Variants in SLC35F3 observed in about 807,000 individuals in gnomAD.
SLC35F3 encodes putative thiamine transporter SLC35F3.
A neutral mutation model predicts 49.9 loss-of-function variants in SLC35F3; 25 were observed. That is an observed-to-expected ratio of 0.50 (90% confidence interval 0.37 to 0.70). The LOEUF (loss-of-function observed/expected upper bound fraction) is 0.70. Ranked by LOEUF, SLC35F3 falls within the 30% of genes least tolerant of loss-of-function variation. SLC35F3 has a pLI of 0.00. For synonymous variants in SLC35F3, 275 were observed against 265.4 expected (o/e 1.04, Z -0.35); for missense variants, 525 against 639.8 (o/e 0.82, Z 1.94).
chr1:234,111,170 T>C (rs530950110), intron 2 of SLC35F3, among the ~76,000 whole-genome samples: 1 of 152,228 alleles, frequency 6.6e-6, no homozygotes, highest in Non-Finnish European at 1.5e-5. Context: ...AATTATTTAA[T>C]TAAAAAAATA....
At chr1:234,284,378 A>G (rs937956296) in intron 3 of SLC35F3, among the ~76,000 whole-genome samples, 35 of 152,214 alleles carry the variant, frequency 2.3e-4, no homozygotes, top group Non-Finnish European at 5.1e-4. Context: ...ACTGTTTGCC[A>G]CATAGCACGT....
chr1:234,214,877 A>C lies in SLC35F3; in HGVS notation c.284-16540A>C, dbSNP rs1572098051. 6.0e-6 allele frequency: 2 copies of C among 331,502 alleles called. No individual in the cohort carries two copies. The highest frequency in any genetic ancestry group is 2.2e-5 in the African/African-American group (1 of 46,374). 20.5% of individuals were successfully genotyped at this position (331,502 alleles called of 1,614,324 possible). ...GCAGCTGCACCCTCACCTCCATCCC[A>C]GTTTGTCCTGGGGCTCTTGTCTGTT... On this transcript the variant is annotated intron_variant, in intron 2 of 7. Coordinates refer to ENST00000366618, the MANE Select transcript of SLC35F3 (RefSeq NM_173508.4). This position sits in a 1 kb window ranked among gnomAD's most constrained non-coding sequence, Gnocchi z 8.0.
At chr1:233,949,161 C>T (rs1420798649) in intron 2 of SLC35F3, among the ~76,000 whole-genome samples, 1 of 152,124 alleles carries the variant, frequency 6.6e-6, no homozygotes, top group Non-Finnish European at 1.5e-5. Context: ...ATCTCACATT[C>T]AGTCCTTGGA....
intron 2 of SLC35F3, among the ~76,000 whole-genome samples, chr1:233,986,235 A>C (rs1017143692): frequency 6.6e-6 from 1 of 152,128 alleles, no homozygotes; most frequent in African/African-American, 2.4e-5. Flanking sequence ...TTATAAAATA[A>C]TACATGTATC....
At position 234,320,348 on chromosome 1, in the gene SLC35F3, TCA is replaced by T. The variant is rs1205076251; in HGVS notation, c.1237+164_1237+165del. Among the ~76,000 whole-genome samples the T allele has an allele frequency of 6.6e-6, 1 of 151,644 alleles. No homozygotes were observed. The highest frequency in any genetic ancestry group is 1.5e-5 in the Non-Finnish European group (1 of 67,922). On this transcript the variant is annotated intron_variant, in intron 7 of 7. Coordinates refer to ENST00000366618, the MANE Select transcript of SLC35F3 (RefSeq NM_173508.4). This position sits in a 1 kb window ranked among gnomAD's most constrained non-coding sequence, Gnocchi z 4.8. ...CACACACATACTCTCACATACATACTCACATATATTATTGCTCTGCCTGCTAT... is the reference window on the plus strand; with the variant it reads ...CACACACATACTCTCACATACATACTCATATATTATTGCTCTGCCTGCTAT...
chr1:234,179,054 C>T (rs1410858893), intron 2 of SLC35F3, among the ~76,000 whole-genome samples: 4 of 152,116 alleles, frequency 2.6e-5, no homozygotes, highest in South Asian at 2.1e-4. Flanking sequence ...CAGTGTGATA[C>T]AGGCAGCCCC....
At chr1:234,202,988 C>G (rs1248301735) in intron 2 of SLC35F3, among the ~76,000 whole-genome samples, 2 of 152,208 alleles carry the variant, frequency 1.3e-5, no homozygotes, top group African/African-American at 2.4e-5. Context: ...GCTCAGAGCT[C>G]TAGCTATGGA....
intron 2 of SLC35F3, among the ~76,000 whole-genome samples, chr1:233,970,068 ATGCAAGGGTCC>A (rs1333828715): frequency 2.4e-4 from 36 of 152,306 alleles, no homozygotes; most frequent in Admixed American, 1.2e-3. Flanking sequence ...CCTCTCAGCA[ATGCAAGGGTCC>A]TGTTTGAAAA....
Position 234,147,230 on chromosome 1 carries a change from C to CTT in SLC35F3, c.284-84172_284-84171dup, listed in dbSNP as rs201359916. Among the ~76,000 whole-genome samples the CTT allele has an allele frequency of 2.4e-3, 303 of 125,092 alleles. 4 individuals are homozygous for CTT. The highest frequency in any genetic ancestry group is 4.2e-3 in the Non-Finnish European group (247 of 58,792). 82.1% of individuals were successfully genotyped at this position (125,092 alleles called of 152,430 possible). ...TTACATAGTTTGCCCTTTCTATTTT[C>CTT]TTTTTTTTTTTTTTTTGTCCTGTTG... On this transcript the variant is annotated intron_variant, in intron 2 of 7. Transcript: ENST00000366618.
At chr1:234,113,540 CAT>C (rs1665439835) in intron 2 of SLC35F3, among the ~76,000 whole-genome samples, 1 of 152,116 alleles carries the variant, frequency 6.6e-6, no homozygotes, top group Non-Finnish European at 1.5e-5. Flanking sequence ...TTCTTGTGTT[CAT>C]AGACTTTAGT....
intron 2 of SLC35F3, among the ~76,000 whole-genome samples, chr1:234,009,985 A>C (rs1443778351): frequency 6.6e-6 from 1 of 152,236 alleles, no homozygotes; most frequent in East Asian, 1.9e-4. Flanking sequence ...GAGTTCTTCA[A>C]CTTGAAATAA....
chr1:233,993,304 G>T (rs919500476), intron 2 of SLC35F3, among the ~76,000 whole-genome samples: 1 of 152,032 alleles, frequency 6.6e-6, no homozygotes, highest in African/African-American at 2.4e-5. Flanking sequence ...GCATGAGATG[G>T]TCAGTTTTGC....
At chr1:234,080,794 G>T (rs1026458776) in intron 2 of SLC35F3, among the ~76,000 whole-genome samples, 1 of 152,168 alleles carries the variant, frequency 6.6e-6, no homozygotes, top group African/African-American at 2.4e-5. Context: ...ACAGGTATAA[G>T]ATTTCTTTCT....
chr1:234,237,590 G>C (rs1290201136), intron 3 of SLC35F3, among the ~76,000 whole-genome samples: 1 of 152,120 alleles, frequency 6.6e-6, no homozygotes, highest in Non-Finnish European at 1.5e-5. Context: ...TTCTTACCCT[G>C]AACCCCAGAC....
chr1:234,153,087 C>A (rs543783161), intron 2 of SLC35F3, among the ~76,000 whole-genome samples: 3 of 152,282 alleles, frequency 2.0e-5, no homozygotes, highest in Middle Eastern at 3.4e-3. Context: ...GAAGTGTCAT[C>A]CTAGGATTTT....
chr1:234,142,393 G>A lies in SLC35F3; in HGVS notation c.284-89024G>A, dbSNP rs141853947. 5.6e-3 allele frequency among the ~76,000 whole-genome samples: 847 copies of A among 152,270 alleles called. 4 individuals are homozygous for A. Among genetic ancestry groups the A allele is most frequent in the Admixed American group, 8.5e-3 (130 of 15,300 alleles). ...GAACAAGAAAGGAGCTCATGCCCAC[G>A]GCCCTGAGCAGCCTGGGAGACTAGG... On this transcript the variant is annotated intron_variant, in intron 2 of 7. Coordinates refer to ENST00000366618, the MANE Select transcript of SLC35F3 (RefSeq NM_173508.4).
chr1:234,149,663 G>A (rs891478169), intron 2 of SLC35F3, among the ~76,000 whole-genome samples: 2 of 151,858 alleles, frequency 1.3e-5, no homozygotes, highest in Non-Finnish European at 1.5e-5. Context: ...CTTAAAAAAC[G>A]CCCTGAGAGC....
chr1:234,013,714 C>T (rs1022171651), intron 2 of SLC35F3, among the ~76,000 whole-genome samples: 6 of 151,802 alleles, frequency 4.0e-5, no homozygotes, highest in Admixed American at 2.0e-4. Flanking sequence ...CATTATATGC[C>T]AACAACTTGA....
intron 3 of SLC35F3, among the ~76,000 whole-genome samples, chr1:234,247,919 A>G (rs111812326): frequency 0.012 from 1,787 of 144,168 alleles, 1 homozygote; most frequent in Non-Finnish European, 0.02. Context: ...TGGTTGGTCC[A>G]TTGCTTGGTG....
Sources: gnomAD v4.1 joint callset for allele counts (sites outside exome capture counted in the v4.1 genomes callset) on GRCh38, gnomAD v4.1.1 for gene constraint, Gnocchi (gnomAD v3.1) non-coding constraint, MANE v1.5 for transcripts, NCBI Gene and HGNC (gene_info 2026-07-23, HGNC 2026-07-21) for gene names.